Variants in ADAM9 observed in about 807,000 individuals in gnomAD.
The protein encoded by ADAM9 is ADAM metallopeptidase domain 9, also known as disintegrin and metalloproteinase domain-containing protein 9.
Under a neutral mutation model 108.1 loss-of-function variants are expected in ADAM9, and 54 were observed. That is an observed-to-expected ratio of 0.50 (90% CI 0.40 to 0.63). The LOEUF (loss-of-function observed/expected upper bound fraction) is 0.63, where lower values mean the gene tolerates loss of function less well. Among genes scored for constraint, ADAM9 ranks in the 20% least tolerant of loss-of-function variants. The pLI, the probability that ADAM9 is intolerant of heterozygous loss-of-function variation, is 0.00. For synonymous variants in ADAM9, 316 were observed against 336.0 expected (o/e 0.94, Z 0.65); for missense variants, 830 against 997.7 (o/e 0.83, Z 2.26).
At position 39,047,731 on chromosome 8, in the gene ADAM9, ACT is replaced by A. The variant is rs1361900778; in HGVS notation, c.1302+5617_1302+5618del. 3.3e-5 allele frequency among the ~76,000 whole-genome samples: 5 copies of A among 150,470 alleles called. No homozygotes were observed. The East Asian group carries it at 9.8e-4, about 29-fold the overall frequency. On this transcript the variant is annotated intron_variant, in intron 12 of 21. Coordinates refer to ENST00000487273, the MANE Select transcript of ADAM9 (RefSeq NM_003816.3). ...ATTGCTTATCTTTTGAAAAATACTA[ACT>A]CTTGGTTTTGCTGATTTTTCAATTC...
rs758766991 is a variant in ADAM9, at chr8:39,017,357, G to T, written c.549G>T (p.Glu183Asp). The T allele has an allele frequency of 1.2e-6, 2 of 1,613,972 alleles. No individual in the cohort carries two copies. Among genetic ancestry groups the T allele is most frequent in the Non-Finnish European group, 1.7e-6 (2 of 1,180,008 alleles). ...LKCGVSNKDIEKETAKDEEEE... is the reference protein window; with the variant it reads ...LKCGVSNKDIDKETAKDEEEE... ...GTGGAGTTTCCAACAAGGATATAGA[G>T]AAAGAAACTGCAAAGGATGAAGAGG... Residue 183 changes from glutamate (E) to aspartate (D), a missense_variant, in exon 6 of 22, where the codon GAG (glutamate) becomes GAT (aspartate). Physicochemically the swap from Glu to Asp is conservative, Grantham distance 45. Coordinates refer to ENST00000487273, the MANE Select transcript of ADAM9 (RefSeq NM_003816.3).
intron 20 of ADAM9, among the ~76,000 whole-genome samples, chr8:39,093,033 A>G (rs569608937): frequency 1.3e-5 from 2 of 152,178 alleles, no homozygotes; most frequent in Non-Finnish European, 2.9e-5. Context: ...GAAATTTGGT[A>G]ATGTGATGCT....
intron 20 of ADAM9, among the ~76,000 whole-genome samples, chr8:39,093,533 AC>A (rs1233012715): frequency 1.3e-5 from 2 of 152,200 alleles, no homozygotes; most frequent in African/African-American, 4.8e-5. Flanking sequence ...TCATCTGCAA[AC>A]AAGGACAGTT....
chr8:39,020,209 G>A (rs1290059865), intron 7 of ADAM9, among the ~76,000 whole-genome samples: 3 of 152,112 alleles, frequency 2.0e-5, no homozygotes, highest in Admixed American at 6.5e-5. Context: ...CTGAGATGGC[G>A]CCACTGCACT....
chr8:39,092,335 C>CACAG (rs893617032), intron 20 of ADAM9, among the ~76,000 whole-genome samples: 3 of 150,956 alleles, frequency 2.0e-5, no homozygotes, highest in African/African-American at 7.3e-5. Flanking sequence ...TATTTATACA[C>CACAG]ACACACACAC....
At chr8:39,061,480 A>G in intron 14 of ADAM9, among the ~76,000 whole-genome samples, 1 of 152,190 alleles carries the variant, frequency 6.6e-6, no homozygotes, top group East Asian at 1.9e-4. Flanking sequence ...CAATTATTTC[A>G]GATATAGGGT....
chr8:39,006,138 C>T (rs991848110), intron 1 of ADAM9, among the ~76,000 whole-genome samples: 14 of 152,126 alleles, frequency 9.2e-5, no homozygotes, highest in African/African-American at 2.7e-4. Flanking sequence ...GGGCTTTTAT[C>T]GGTTCTATAA....
intron 11 of ADAM9, among the ~76,000 whole-genome samples, chr8:39,035,015 C>T (rs1837223827): frequency 6.6e-6 from 1 of 152,128 alleles, no homozygotes; most frequent in South Asian, 2.1e-4. Context: ...TACATATTGC[C>T]TGTGTACACA....
chr8:39,030,483 T>TTAA (rs1181858192), intron 11 of ADAM9, among the ~76,000 whole-genome samples: 1 of 152,246 alleles, frequency 6.6e-6, no homozygotes, highest in Non-Finnish European at 1.5e-5. Flanking sequence ...GTACCACAGT[T>TTAA]TAACCATTTA....
chr8:39,011,591 A>T (rs1396942514), intron 2 of ADAM9, 67 bp from the exon 3 acceptor site: 2 of 1,403,044 alleles, frequency 1.4e-6, no homozygotes, highest in East Asian at 4.6e-5. Flanking sequence ...GCATCTTATA[A>T]ATGAGATGTT....
chr8:39,026,003 C>A, intron 10 of ADAM9, 119 bp downstream of exon 10: 1 of 1,012,212 alleles, frequency 9.9e-7, no homozygotes, highest in Non-Finnish European at 1.5e-6. Context: ...ATGAGGAACA[C>A]AGTAGAAGTC....
At chr8:39,072,496 T>A (rs1260514669) in intron 15 of ADAM9, among the ~76,000 whole-genome samples, 1 of 152,220 alleles carries the variant, frequency 6.6e-6, no homozygotes, top group East Asian at 1.9e-4. Context: ...AACCTCTTTT[T>A]TTTTGGTGAT....
At position 39,027,399 on chromosome 8, in the gene ADAM9, T is replaced by C. The variant is rs539992088; in HGVS notation, c.1130+589T>C. ...GTTAACATTTGTTAAGCTCTTTTTA[T>C]GTACAGGCACTATTGTAGCCATTTA... On this transcript the variant is annotated intron_variant, in intron 11 of 21. Transcript: ENST00000487273. Among the ~76,000 whole-genome samples, 5 of 152,360 alleles carry C rather than the reference T, an allele frequency of 3.3e-5. No homozygotes were observed. In the East Asian group the frequency reaches 5.8e-4, roughly 18 times the overall value.
intron 20 of ADAM9, among the ~76,000 whole-genome samples, chr8:39,100,189 CTTG>C (rs1383788462): frequency 6.6e-6 from 1 of 151,844 alleles, no homozygotes; most frequent in African/African-American, 2.4e-5. Flanking sequence ...CTATGTATAC[CTTG>C]TTGTAAGATT....
intron 1 of ADAM9, among the ~76,000 whole-genome samples, chr8:39,002,509 G>T (rs1249016587): frequency 6.6e-6 from 1 of 151,610 alleles, no homozygotes; most frequent in Non-Finnish European, 1.5e-5. Context: ...TTTTAGTAAA[G>T]ACGGGGTTTC....
chr8:39,094,521 G>T (rs1465797870), intron 20 of ADAM9, among the ~76,000 whole-genome samples: 1 of 152,080 alleles, frequency 6.6e-6, no homozygotes, highest in Non-Finnish European at 1.5e-5. Context: ...TTAAATGTTT[G>T]GTAGAATTCA....
At chr8:39,045,042 G>A (rs557509747) in intron 12 of ADAM9, among the ~76,000 whole-genome samples, 1 of 54,922 alleles carries the variant, frequency 1.8e-5, no homozygotes, top group Non-Finnish European at 3.3e-5. Context: ...ACATACATAT[G>A]TATGTGTATG....
At chr8:39,009,752 C>T (rs1160099156) in intron 2 of ADAM9, among the ~76,000 whole-genome samples, 1 of 152,182 alleles carries the variant, frequency 6.6e-6, no homozygotes, top group Non-Finnish European at 1.5e-5. Flanking sequence ...ATGTAATTAA[C>T]TCGTTAAAAA....
Position 39,042,096 on chromosome 8 carries a change from G to A in ADAM9, c.1281G>A (p.Glu427=), listed in dbSNP as rs1194444697. ...CGNKLVDAGE[E]CDCGTPKECE... ...ATAAGTTGGTGGACGCTGGGGAAGA[G>A]TGTGACTGTGGTACTCCAAAGGTCA... The change falls in exon 12 of 22, where the codon GAG becomes GAA. Residue 427 remains glutamate, a synonymous_variant. Coordinates refer to ENST00000487273, the MANE Select transcript of ADAM9 (RefSeq NM_003816.3). The A allele has an allele frequency of 2.5e-6, 4 of 1,613,934 alleles. No individual in the cohort carries two copies. Among genetic ancestry groups the A allele is most frequent in the East Asian group, 4.5e-5 (2 of 44,894 alleles).
Sources: allele counts gnomAD v4.1 joint callset (sites outside exome capture counted in the v4.1 genomes callset), GRCh38; gene constraint gnomAD v4.1.1; transcripts MANE v1.5; gene names NCBI Gene and HGNC (gene_info 2026-07-23, HGNC 2026-07-21).